Variants in ARB2A observed in about 807,000 individuals in gnomAD.
The protein encoded by ARB2A is ARB2 cotranscriptional regulator A.
At chr5:93,965,292 T>C in the ARB2A span, among the ~76,000 whole-genome samples, 9 of 152,042 alleles carry the variant, frequency 5.9e-5, no homozygotes, top group East Asian at 1.7e-3. Flanking sequence ...TTTTATAAAG[T>C]GGAATAACCT....
chr5:93,779,128 C>CGCGT, the ARB2A span, among the ~76,000 whole-genome samples: 1 of 121,886 alleles, frequency 8.2e-6, no homozygotes, highest in Admixed American at 7.8e-5. Flanking sequence ...TGTGTGTGCG[C>CGCGT]GCGCGCGCGC....
At chr5:93,875,868 C>T in the ARB2A span, among the ~76,000 whole-genome samples, 2 of 151,010 alleles carry the variant, frequency 1.3e-5, no homozygotes, top group Admixed American at 6.6e-5. Flanking sequence ...AAGCAAAATC[C>T]GATATGAACA....
chr5:93,829,911 C>A, the ARB2A span, among the ~76,000 whole-genome samples: 3 of 152,168 alleles, frequency 2.0e-5, no homozygotes, highest in Admixed American at 6.5e-5. Context: ...CAGCATTCCA[C>A]TTCTTGTCTG....
the ARB2A span, among the ~76,000 whole-genome samples, chr5:93,898,769 G>A: frequency 1.4e-4 from 21 of 151,988 alleles, no homozygotes; most frequent in African/African-American, 1.2e-4. Flanking sequence ...CTGCACAGCC[G>A]TTAGAAAGTT....
At chr5:93,728,713 T>C in the ARB2A span, among the ~76,000 whole-genome samples, 2 of 151,982 alleles carry the variant, frequency 1.3e-5, no homozygotes, top group African/African-American at 4.8e-5. Flanking sequence ...GAAAGGCCGT[T>C]AGAACCTTAG....
chr5:93,959,576 A>C, the ARB2A span, among the ~76,000 whole-genome samples: 1 of 152,178 alleles, frequency 6.6e-6, no homozygotes, highest in Non-Finnish European at 1.5e-5. Context: ...ACTATTTAAA[A>C]ACTAACCATC....
the ARB2A span, among the ~76,000 whole-genome samples, chr5:93,838,795 T>C: frequency 6.6e-6 from 1 of 152,188 alleles, no homozygotes. Flanking sequence ...ATTTTATTCT[T>C]TTTTGTGGCA....
the ARB2A span, among the ~76,000 whole-genome samples, chr5:93,980,248 T>A: frequency 6.6e-6 from 1 of 152,200 alleles, no homozygotes; most frequent in African/African-American, 2.4e-5. Context: ...ATTATGGTTT[T>A]ATTTGAGCAT....
chr5:93,701,168 G>A, the ARB2A span, among the ~76,000 whole-genome samples: 2 of 152,068 alleles, frequency 1.3e-5, no homozygotes, highest in East Asian at 3.8e-4. Context: ...TGTAGTGTTT[G>A]CACTTTCATT....
At chr5:93,721,108 G>A in the ARB2A span, among the ~76,000 whole-genome samples, 1 of 152,116 alleles carries the variant, frequency 6.6e-6, no homozygotes, top group African/African-American at 2.4e-5. Flanking sequence ...TCTCTCAACT[G>A]GTTTAAGTTT....
chr5:93,627,487 A>G, the ARB2A span, among the ~76,000 whole-genome samples: 2 of 134,078 alleles, frequency 1.5e-5, no homozygotes, highest in Non-Finnish European at 3.0e-5. Context: ...TCTGTCACCT[A>G]CTGCTGGAGT....
chr5:93,999,876 C>G, the ARB2A span, among the ~76,000 whole-genome samples: 1 of 152,050 alleles, frequency 6.6e-6, no homozygotes, highest in African/African-American at 2.4e-5. Flanking sequence ...ACAGCTTTGC[C>G]TTTTCCAAAA....
chr5:93,903,012 G>A, the ARB2A span, among the ~76,000 whole-genome samples: 2 of 152,096 alleles, frequency 1.3e-5, no homozygotes, highest in Non-Finnish European at 2.9e-5. Context: ...TTTAGTAGGG[G>A]TGAATTCTCT....
the ARB2A span, among the ~76,000 whole-genome samples, chr5:93,656,841 C>A: frequency 1.4e-4 from 22 of 151,856 alleles, no homozygotes; most frequent in Non-Finnish European, 2.9e-4. Flanking sequence ...TTTGGAGGAC[C>A]CCTGTGTTTC....
At chr5:94,024,241 G>T in the ARB2A span, among the ~76,000 whole-genome samples, 24 of 152,086 alleles carry the variant, frequency 1.6e-4, no homozygotes, top group African/African-American at 5.6e-4. Context: ...AGCAGATTGG[G>T]TGAACCTCAT....
At chr5:93,990,827 A>G in the ARB2A span, among the ~76,000 whole-genome samples, 1 of 152,046 alleles carries the variant, frequency 6.6e-6, no homozygotes, top group African/African-American at 2.4e-5. Context: ...AGGAAAACAA[A>G]GGAGATAAGC....
chr5:94,042,775 T>C, the ARB2A span, among the ~76,000 whole-genome samples: 2 of 152,298 alleles, frequency 1.3e-5, no homozygotes, highest in East Asian at 3.9e-4. Flanking sequence ...GCTTATATGG[T>C]ATAAAAGTCA....
the ARB2A span, among the ~76,000 whole-genome samples, chr5:93,908,485 T>C: frequency 6.6e-6 from 1 of 150,740 alleles, no homozygotes; most frequent in Non-Finnish European, 1.5e-5. Context: ...TATATTGATT[T>C]GAGGTATTGC....
the ARB2A span, among the ~76,000 whole-genome samples, chr5:93,721,906 A>C: frequency 6.6e-6 from 1 of 152,200 alleles, no homozygotes; most frequent in African/African-American, 2.4e-5. Flanking sequence ...TCAATAGAGC[A>C]TTGTTTCCCT....
Sources: gnomAD v4.1 joint callset for allele counts (sites outside exome capture counted in the v4.1 genomes callset) on GRCh38, gnomAD v4.1.1 for gene constraint, MANE v1.5 for transcripts, NCBI Gene and HGNC (gene_info 2026-07-23, HGNC 2026-07-21) for gene names.